Variants in FRMD3 observed in about 807,000 individuals in gnomAD.
The protein encoded by FRMD3 is FERM domain-containing protein 3.
FRMD3 carries 33 observed loss-of-function variants against 70.2 expected under a neutral mutation model. The observed-to-expected ratio is 0.47, with a 90% CI of 0.36 to 0.63. The LOEUF (loss-of-function observed/expected upper bound fraction) is 0.63. FRMD3 is among the 20% of genes least tolerant of loss of function. FRMD3 has a pLI of 0.00. For missense variants in FRMD3, 632 were observed against 711.4 expected (o/e 0.89, Z 1.27); for synonymous variants, 279 against 255.9 (o/e 1.09, Z -0.86).
intron 1 of FRMD3, among the ~76,000 whole-genome samples, chr9:83,407,890 C>G (rs1458953164): frequency 2.9e-5 from 4 of 136,128 alleles, no homozygotes; most frequent in East Asian, 2.0e-4. Context: ...CTCTCTCTCT[C>G]TCTCTCTCTC....
intron 3 of FRMD3, among the ~76,000 whole-genome samples, chr9:83,370,769 AGGCACGGTAGT>A (rs1824945676): frequency 6.6e-6 from 1 of 152,124 alleles, no homozygotes; most frequent in South Asian, 2.1e-4. Context: ...AAAATTAGCC[AGGCACGGTAGT>A]GCACGCCCGT....
chr9:83,300,414 A>G (rs1834865618), intron 10 of FRMD3, among the ~76,000 whole-genome samples: 1 of 152,198 alleles, frequency 6.6e-6, no homozygotes, highest in East Asian at 1.9e-4. Context: ...AACTCAAAAC[A>G]CTCAATTATT....
At chr9:83,331,888 G>A (rs369287053) in intron 6 of FRMD3, 2 of 717,314 alleles carry the variant, frequency 2.8e-6, no homozygotes, top group African/African-American at 1.7e-5. Flanking sequence ...CCTTGATCCT[G>A]GGTAAGATCT....
At chr9:83,291,854 A>G (rs1563998351) in intron 12 of FRMD3, among the ~76,000 whole-genome samples, 1 of 152,208 alleles carries the variant, frequency 6.6e-6, no homozygotes, top group Non-Finnish European at 1.5e-5. Context: ...GACCGGCTGC[A>G]GGACTACCTT....
intron 1 of FRMD3, among the ~76,000 whole-genome samples, chr9:83,402,891 T>TTTCC: frequency 1.6e-5 from 2 of 128,808 alleles, no homozygotes; most frequent in Non-Finnish European, 3.1e-5. Flanking sequence ...ATTTTCCTTC[T>TTTCC]TTCTTTCTTT....
Position 83,357,238 on chromosome 9 carries a change from AATACATAC to A in FRMD3, c.296-7489_296-7482del, listed in dbSNP as rs1296687970. 9.7e-3 allele frequency among the ~76,000 whole-genome samples: 39 copies of A among 4,000 alleles called. 6 individuals are homozygous for A. The highest frequency in any genetic ancestry group is 0.026 in the African/African-American group (35 of 1,344). The allele number at this position is 4,000 out of a possible 152,430, so 2.6% of individuals were successfully genotyped here. Reference sequence around the variant, plus strand: ...GAATATATATATTTTATATATATATAATACATACATATATATATATATATATATATATA... The same window carrying A: ...GAATATATATATTTTATATATATATAATATATATATATATATATATATATA... On this transcript the variant is annotated intron_variant, in intron 3 of 13. Transcript: ENST00000304195.
intron 1 of FRMD3, among the ~76,000 whole-genome samples, chr9:83,471,507 A>G (rs146153390): frequency 8.0e-4 from 122 of 152,270 alleles, no homozygotes; most frequent in African/African-American, 2.7e-3. Context: ...TGGGTGGGAC[A>G]CCGGCTTGGG....
intron 1 of FRMD3, among the ~76,000 whole-genome samples, chr9:83,522,465 T>G (rs571074096): frequency 6.6e-6 from 1 of 152,122 alleles, no homozygotes; most frequent in African/African-American, 2.4e-5. Context: ...AAGATTTTTT[T>G]TAATGGCTAA....
intron 1 of FRMD3, among the ~76,000 whole-genome samples, chr9:83,484,031 TGA>T (rs367918121): frequency 7.2e-5 from 11 of 152,328 alleles, no homozygotes; most frequent in African/African-American, 2.6e-4. Flanking sequence ...TTCTTCTCAC[TGA>T]GAGAGGAAAT....
At chr9:83,290,507 T>C (rs1834374356) in intron 13 of FRMD3, 96 bp downstream of exon 13, 1 of 1,393,240 alleles carries the variant, frequency 7.2e-7, no homozygotes, top group Non-Finnish European at 1.0e-6. Flanking sequence ...CCCCATACAC[T>C]AATCAATTAC....
At chr9:83,536,575 T>C (rs1179856060) in intron 1 of FRMD3, among the ~76,000 whole-genome samples, 1 of 152,230 alleles carries the variant, frequency 6.6e-6, no homozygotes, top group East Asian at 1.9e-4. Flanking sequence ...GCAACCCTTG[T>C]GGCAGTAGAA....
chr9:83,319,828 T>A (rs148254055), intron 6 of FRMD3, among the ~76,000 whole-genome samples: 10 of 152,340 alleles, frequency 6.6e-5, no homozygotes, highest in African/African-American at 1.2e-4. Context: ...ATGTAAGATG[T>A]GACTTGCTCC....
the FRMD3 span, among the ~76,000 whole-genome samples, chr9:83,582,627 C>T: frequency 1.3e-5 from 2 of 152,130 alleles, no homozygotes; most frequent in Admixed American, 1.3e-4. Flanking sequence ...AATCTGTTAA[C>T]CTAAACAAGC....
intron 1 of FRMD3, among the ~76,000 whole-genome samples, chr9:83,488,230 T>C (rs1356273831): frequency 6.6e-6 from 1 of 152,222 alleles, no homozygotes; most frequent in Non-Finnish European, 1.5e-5. Flanking sequence ...ATGCACAACA[T>C]CTGAGTGATA....
chr9:83,398,737 G>T (rs1245674797), intron 1 of FRMD3, among the ~76,000 whole-genome samples: 1 of 152,188 alleles, frequency 6.6e-6, no homozygotes, highest in Non-Finnish European at 1.5e-5. Context: ...AGTAGCTAAA[G>T]CTAAGATAAT....
chr9:83,558,610 G>C, the FRMD3 span, among the ~76,000 whole-genome samples: 1 of 152,086 alleles, frequency 6.6e-6, no homozygotes. Context: ...TAGACTTTCA[G>C]GTCTTATTAT....
chr9:83,419,308 A>T (rs1374970390), intron 1 of FRMD3, among the ~76,000 whole-genome samples: 2 of 152,192 alleles, frequency 1.3e-5, no homozygotes, highest in African/African-American at 4.8e-5. Context: ...GGTTTGCCCA[A>T]ATAAGATTAA....
chr9:83,339,015 C>T (rs575039413), intron 5 of FRMD3, among the ~76,000 whole-genome samples: 1 of 152,252 alleles, frequency 6.6e-6, no homozygotes, highest in East Asian at 1.9e-4. Context: ...GGACAATGGA[C>T]CACCAATATG....
intron 1 of FRMD3, among the ~76,000 whole-genome samples, chr9:83,467,055 T>G (rs1029384290): frequency 3.9e-5 from 6 of 152,166 alleles, no homozygotes; most frequent in Non-Finnish European, 8.8e-5. Flanking sequence ...CTGTCAGCCT[T>G]GCATCTTAAT....
Sources: gnomAD v4.1 joint callset for allele counts (sites outside exome capture counted in the v4.1 genomes callset) on GRCh38, gnomAD v4.1.1 for gene constraint, MANE v1.5 for transcripts, NCBI Gene and HGNC (gene_info 2026-07-23, HGNC 2026-07-21) for gene names.